Variants in LRRC25 observed in about 807,000 individuals in gnomAD.
LRRC25 encodes the protein leucine-rich repeat-containing protein 25.
In LRRC25, 5 loss-of-function variants were observed where a neutral mutation model predicts 18.8. That is an observed-to-expected ratio of 0.27 (90% CI 0.14 to 0.56). The LOEUF (loss-of-function observed/expected upper bound fraction) is 0.56, where lower values mean the gene tolerates loss of function less well. Among genes scored for constraint, LRRC25 ranks in the 20% least tolerant of loss-of-function variants. The pLI is 0.93. For missense variants in LRRC25, 341 were observed against 389.8 expected, an observed-to-expected ratio of 0.87 and a Z score of 1.05; for synonymous variants, 161 against 176.8, an observed-to-expected ratio of 0.91 and a Z score of 0.71.
intron 1 of LRRC25, 87 bp downstream of exon 1, chr19:18,396,098 C>T (rs538642331): frequency 8.8e-6 from 13 of 1,472,082 alleles, no homozygotes; most frequent in African/African-American, 4.2e-5. Flanking sequence ...AGCCTTCAAG[C>T]GGCAGAGCTG....
intron 1 of LRRC25, among the ~76,000 whole-genome samples, chr19:18,392,765 G>A (rs1342203930): frequency 1.3e-5 from 2 of 152,114 alleles, no homozygotes; most frequent in Non-Finnish European, 2.9e-5. Flanking sequence ...CAAGGCAGAA[G>A]GTCTGCTTGA....
chr19:18,392,481 G>A (rs981008011), intron 1 of LRRC25, among the ~76,000 whole-genome samples: 2 of 151,620 alleles, frequency 1.3e-5, no homozygotes, highest in African/African-American at 4.9e-5. Context: ...GACAGAGCAA[G>A]ACTCTATCTC....
chr19:18,393,683 C>T (rs1308020757), intron 1 of LRRC25, among the ~76,000 whole-genome samples: 2 of 151,882 alleles, frequency 1.3e-5, no homozygotes, highest in Non-Finnish European at 2.9e-5. Flanking sequence ...GTACGAATTG[C>T]CCACCAACCC....
In LRRC25 at chr19:18,396,844, G is replaced by A. The variant is rs376405376; in HGVS notation, c.120C>T (p.Ala40=). ...TGAGGCCACTGAAATTCAGGCACGT[G>A]GCACTGAACTCCGCGTTCCAGTCCA... ...ADVDWNAEFS[A]TCLNFSGLSL... is the part of the protein sequence containing the mutation. Residue 40 remains alanine (A), a synonymous_variant, in exon 1 of 2, where the codon GCC becomes GCT. Transcript: ENST00000339007. 58 of 1,613,846 alleles carry A rather than the reference G, an allele frequency of 3.6e-5. No individual in the cohort carries two copies. Among genetic ancestry groups the A allele is most frequent in the Non-Finnish European group, 4.3e-5 (51 of 1,180,044 alleles).
Position 18,391,794 on chromosome 19 carries a change from T to G in LRRC25, c.*193A>C. On this transcript the variant is annotated 3_prime_UTR_variant, in exon 2 of 2. Transcript: ENST00000339007. ...TTGGGGGTCTCTCCTCTTCCCCCTC[T>G]AGGAGCTGAGGGAGCTGAGGAGCGG... 1 of 593,998 alleles carries G rather than the reference T, an allele frequency of 1.7e-6. No individual in the cohort carries two copies. Among genetic ancestry groups the G allele is most frequent in the Non-Finnish European group, 2.9e-6 (1 of 343,092 alleles). The allele number at this position is 593,998 out of a possible 1,614,324, so 36.8% of individuals were successfully genotyped here.
chr19:18,394,805 C>A (rs1243604267), intron 1 of LRRC25, among the ~76,000 whole-genome samples: 1 of 152,148 alleles, frequency 6.6e-6, no homozygotes, highest in Admixed American at 6.5e-5. Context: ...AAGCCGGTGG[C>A]GGTGGCTCAC....
intron 1 of LRRC25, among the ~76,000 whole-genome samples, chr19:18,393,610 G>GAA (rs71166509): frequency 1.6e-4 from 24 of 146,532 alleles, no homozygotes; most frequent in East Asian, 4.0e-4. Context: ...GACAGAGCGG[G>GAA]AAAAAAAAAA....
At position 18,396,304 on chromosome 19, in the gene LRRC25, C is replaced by A; in HGVS notation, c.660G>T (p.Arg220=). The A allele has an allele frequency of 6.2e-7, 1 of 1,613,864 alleles. No individual in the cohort carries two copies. The highest frequency in any genetic ancestry group is 8.5e-7 in the Non-Finnish European group (1 of 1,179,948). The change falls in exon 1 of 2, where the codon CGG becomes CGT. Residue 220 remains arginine (R), a synonymous_variant. Transcript: ENST00000339007. ...GPKPGLGLQP[R]YGSRSAPKPQ... ...GCTTGGGGGCGCTCCGGCTGCCGTA[C>A]CGTGGCTGCAAGCCTAAACCGGGCT...
At chr19:18,393,607 C>CG (rs35534364) in intron 1 of LRRC25, among the ~76,000 whole-genome samples, 10,715 of 144,262 alleles carry the variant, frequency 0.074, 409 homozygotes, top group Middle Eastern at 0.15. Context: ...GGCGACAGAG[C>CG]GGGAAAAAAA....
At position 18,397,067 on chromosome 19, in the gene LRRC25, C is replaced by T; in HGVS notation, c.-104G>A. The T allele has an allele frequency of 8.1e-7, 1 of 1,235,094 alleles. No individual in the cohort carries two copies. The highest frequency in any genetic ancestry group is 1.1e-6 in the Non-Finnish European group (1 of 909,778). 76.5% of individuals were successfully genotyped at this position (1,235,094 alleles called of 1,614,324 possible). A position where few individuals can be genotyped will look rare whatever the true frequency, so the allele number is the denominator to read the frequency against. On this transcript the variant is annotated 5_prime_UTR_variant, in exon 1 of 2. Coordinates refer to ENST00000339007, the MANE Select transcript of LRRC25 (RefSeq NM_145256.3). ...TTTATTATTATAGCTCAGACCAGCT[C>T]AAGCCGCTTCTGAAATGGTAAAACG... is the stretch of plus-strand genomic sequence containing the variant.
chr19:18,391,998 G>A lies in LRRC25; in HGVS notation c.907C>T (p.Pro303Ser), dbSNP rs375826476. 8.1e-6 allele frequency: 13 copies of A among 1,613,952 alleles called. No individual in the cohort carries two copies. In the East Asian group the frequency reaches 2.5e-4, roughly 30 times the overall value. Residue 303 changes from proline (P) to serine (S), a missense_variant, in exon 2 of 2, where the codon CCC becomes TCC. Transcript: ENST00000339007. ...AGGACATCTTAGGCTCAGTGCCCGG[G>A]GATCACGTACTCCTCTTCATCCATT... ...APMDEEEYVIPGH is the reference protein window; with the variant it reads ...APMDEEEYVISGH
intron 1 of LRRC25, among the ~76,000 whole-genome samples, chr19:18,392,481 GA>G (rs2144620116): frequency 6.6e-6 from 1 of 151,738 alleles, no homozygotes; most frequent in East Asian, 1.9e-4. Context: ...GACAGAGCAA[GA>G]CTCTATCTCA....
chr19:18,394,134 T>G (rs1971936666), intron 1 of LRRC25, among the ~76,000 whole-genome samples: 1 of 151,862 alleles, frequency 6.6e-6, no homozygotes, highest in Admixed American at 6.6e-5. Context: ...GCCCTCCCTG[T>G]TCCCCTCAGG....
intron 1 of LRRC25, among the ~76,000 whole-genome samples, chr19:18,393,359 A>G (rs1971925256): frequency 6.6e-6 from 1 of 152,198 alleles, no homozygotes; most frequent in African/African-American, 2.4e-5. Context: ...GCGGTGGCTC[A>G]CGCCTATAAT....
Position 18,392,021 on chromosome 19 carries a change from A to C in LRRC25, c.884T>G (p.Met295Arg). The change falls in exon 2 of 2, where the codon ATG becomes AGG. Residue 295 changes from methionine to arginine, a missense_variant. Physicochemically the swap from Met to Arg is moderately conservative, Grantham distance 91. Coordinates refer to ENST00000339007, the MANE Select transcript of LRRC25 (RefSeq NM_145256.3). ...CNLQSLGQAPMDEEEYVIPGH is the reference protein window; with the variant it reads ...CNLQSLGQAPRDEEEYVIPGH ...GGGGATCACGTACTCCTCTTCATCC[A>C]TTGGGGCCTGGCCCAGTGACTGCAG... The C allele has an allele frequency of 1.2e-6, 2 of 1,614,060 alleles. No homozygotes were observed. The highest frequency in any genetic ancestry group is 1.7e-6 in the Non-Finnish European group (2 of 1,179,984).
At position 18,397,246 on chromosome 19, in the gene LRRC25, C is replaced by A. The variant is rs181468783; in HGVS notation, c.-283G>T. 53 of 453,520 alleles carry A rather than the reference C, an allele frequency of 1.2e-4. No individual in the cohort carries two copies. The highest frequency in any genetic ancestry group is 1.9e-4 in the Non-Finnish European group (48 of 251,030). The allele number at this position is 453,520 out of a possible 1,614,324, so 28.1% of individuals were successfully genotyped here. On this transcript the variant is annotated 5_prime_UTR_variant, in exon 1 of 2. Coordinates refer to ENST00000339007, the MANE Select transcript of LRRC25 (RefSeq NM_145256.3). ...TCTTCTATGTCCTGAACATTTGGGG[C>A]GCCCTCGTTGGCCAGGACGGGACCC...
intron 1 of LRRC25, among the ~76,000 whole-genome samples, chr19:18,393,074 C>T (rs1365120043): frequency 3.3e-5 from 5 of 152,192 alleles, no homozygotes; most frequent in Non-Finnish European, 7.3e-5. Context: ...GAAGCTCTGG[C>T]CACGTCAGTC....
intron 1 of LRRC25, among the ~76,000 whole-genome samples, chr19:18,394,250 C>T (rs1040548747): frequency 3.3e-5 from 5 of 152,096 alleles, no homozygotes; most frequent in Admixed American, 2.6e-4. Flanking sequence ...TTGAAATTCC[C>T]TCCATTCCCT....
chr19:18,395,531 T>C (rs1256765161), intron 1 of LRRC25, among the ~76,000 whole-genome samples: 1 of 152,084 alleles, frequency 6.6e-6, no homozygotes, highest in Non-Finnish European at 1.5e-5. Flanking sequence ...CCTGGGCCTA[T>C]GCTGCTGACC....
Sources: allele counts gnomAD v4.1 joint callset (sites outside exome capture counted in the v4.1 genomes callset), GRCh38; gene constraint gnomAD v4.1.1; transcripts MANE v1.5; gene names NCBI Gene and HGNC (gene_info 2026-07-23, HGNC 2026-07-21).